HUWE1: variants seen among roughly 807,000 people sequenced by gnomAD.
HUWE1 encodes the protein E3 ubiquitin-protein ligase HUWE1.
HUWE1 carries 18 observed loss-of-function variants against 299.4 expected under a neutral mutation model. The ratio of observed to expected loss-of-function variants is 0.06; its 90% CI spans 0.04 to 0.09. HUWE1 has a LOEUF of 0.09. Among genes scored for constraint, HUWE1 ranks in the 10% least tolerant of loss-of-function variants. The pLI is 1.00. For synonymous variants in HUWE1, 1,317 were observed against 1,286.1 expected (o/e 1.02, Z -0.51); for missense variants, 1,832 against 3,462.3 (o/e 0.53, Z 11.82).
chrX:53,612,187 C>T (rs782244551), intron 23 of HUWE1, among the ~76,000 whole-genome samples: 1 of 111,789 alleles, frequency 8.9e-6, no homozygotes, highest in Admixed American at 9.5e-5. Flanking sequence ...TCTTCCTTCC[C>T]TAATAATTTA....
chrX:53,630,962 C>A lies in HUWE1; in HGVS notation c.835G>T (p.Ala279Ser). 8.4e-7 allele frequency: 1 copy of A among 1,183,787 alleles called. No homozygotes were observed. Among genetic ancestry groups the A allele is most frequent in the Non-Finnish European group, 1.1e-6 (1 of 870,130 alleles). Residue 279 changes from alanine (A) to serine (S), a missense_variant, in exon 12 of 84, where the codon GCC becomes TCC. Coordinates refer to ENST00000262854, the MANE Select transcript of HUWE1 (RefSeq NM_031407.7). Reference protein sequence around the residue: ...NHRKRLQAVQARLHAISILVY... With the variant: ...NHRKRLQAVQSRLHAISILVY... Reference sequence around the variant, plus strand: ...AATATAGATATTGCATGCAGTCTGGCCTGAACTGCCTGCAATCGCTTCCTG... The same window carrying A: ...AATATAGATATTGCATGCAGTCTGGACTGAACTGCCTGCAATCGCTTCCTG...
chrX:53,537,167 A>G, intron 78 of HUWE1: 1 of 250,833 alleles, frequency 4.0e-6, no homozygotes, highest in Non-Finnish European at 7.3e-6. Flanking sequence ...TCCTACGCTC[A>G]GTATTACAAA....
At position 53,546,697 on chromosome X, in the gene HUWE1, G is replaced by C. The variant is rs782185723; in HGVS notation, c.10758+7C>G. On this transcript the variant is annotated splice_region_variant and intron_variant, in intron 69 of 83. Transcript: ENST00000262854. ...AGTCTTAGCAGATCAGAAGAGCTTG[G>C]ACTCACCTCTACAGAGAGCTGTAGC... 9.9e-6 allele frequency: 12 copies of C among 1,209,886 alleles called. No individual in the cohort carries two copies. Among genetic ancestry groups the C allele is most frequent in the African/African-American group, 1.7e-5 (1 of 57,163 alleles).
intron 48 of HUWE1, 120 bp downstream of exon 48, chrX:53,569,496 G>A (rs959497494): frequency 1.6e-6 from 1 of 639,303 alleles, no homozygotes; most frequent in Non-Finnish European, 2.6e-6. Context: ...GAGCGGACCA[G>A]AGAGTATATG....
chrX:53,630,848 T>A, intron 12 of HUWE1, 87 bp downstream of exon 12: 1 of 570,929 alleles, frequency 1.8e-6, no homozygotes, highest in Non-Finnish European at 3.1e-6. Flanking sequence ...ATAATAGGAC[T>A]CATAGCAACA....
Position 53,592,369 on chromosome X carries a change from G to T in HUWE1, c.3972+29C>A. On this transcript the variant is annotated intron_variant, in intron 33 of 83. Transcript: ENST00000262854. ...CACACTCCATTGGGTGCAAAGTCTGGACCCTGGAGTGTGAGGCCAGTACCC... is the reference window on the plus strand; with the variant it reads ...CACACTCCATTGGGTGCAAAGTCTGTACCCTGGAGTGTGAGGCCAGTACCC... 2.8e-6 allele frequency: 3 copies of T among 1,089,874 alleles called. No homozygotes were observed. The South Asian group carries it at 5.5e-5, about 20-fold the overall frequency. 89.8% of individuals were successfully genotyped at this position (1,089,874 alleles called of 1,213,427 possible). A position where few individuals can be genotyped will look rare whatever the true frequency, so the allele number is the denominator to read the frequency against.
chrX:53,551,354 C>G lies in HUWE1; in HGVS notation c.9008G>C (p.Ser3003Thr). 8.3e-7 allele frequency: 1 copy of G among 1,209,702 alleles called. No homozygotes were observed. The highest frequency in any genetic ancestry group is 1.1e-6 in the Non-Finnish European group (1 of 894,498). ...ATTCCCCACCACTGCAGGCGCTGAG[C>G]TATTTGTGGAGGGGGCAGTCCGGGT... ...PPTRTAPSTNSSAPAVVGNPG... is the reference protein window; with the variant it reads ...PPTRTAPSTNTSAPAVVGNPG... Residue 3003 changes from serine to threonine, a missense_variant, in exon 64 of 84, where the codon AGC (serine) becomes ACC (threonine). Ser to Thr is a moderately conservative substitution (Grantham distance 58, BLOSUM62 1). Coordinates refer to ENST00000262854, the MANE Select transcript of HUWE1 (RefSeq NM_031407.7).
chrX:53,629,689 G>A, intron 12 of HUWE1, 73 bp from the exon 13 acceptor site: 1 of 625,456 alleles, frequency 1.6e-6, no homozygotes, highest in Non-Finnish European at 2.7e-6. Context: ...AAACTTTTTG[G>A]TATCTATAGG....
rs1556925195 is a variant in HUWE1, at chrX:53,548,287, G to A, written c.10036-14C>T. On this transcript the variant is annotated splice_polypyrimidine_tract_variant and intron_variant, in intron 67 of 83. Coordinates refer to ENST00000262854, the MANE Select transcript of HUWE1 (RefSeq NM_031407.7). ...GCTGGGAAATACCTGCCGGGAAAAGGAGGACAAGGCTTGGTCTAGGACGTC... is the reference window on the plus strand; with the variant it reads ...GCTGGGAAATACCTGCCGGGAAAAGAAGGACAAGGCTTGGTCTAGGACGTC... 3 of 1,205,101 alleles carry A rather than the reference G, an allele frequency of 2.5e-6. No homozygotes were observed. Among genetic ancestry groups the A allele is most frequent in the African/African-American group, 1.7e-5 (1 of 57,338 alleles).
chrX:53,682,464 G>A (rs1267963852), intron 2 of HUWE1, among the ~76,000 whole-genome samples: 3 of 111,347 alleles, frequency 2.7e-5, no homozygotes, highest in Admixed American at 9.5e-5. Flanking sequence ...CTACAAAGGA[G>A]AAACAAATGA....
intron 12 of HUWE1, 132 bp from the exon 13 acceptor site, chrX:53,629,748 C>CA (rs2066746854): frequency 4.4e-6 from 2 of 457,387 alleles, no homozygotes; most frequent in Admixed American, 7.2e-5. Flanking sequence ...GCAGAATCAT[C>CA]ACCAAATTAA....
intron 62 of HUWE1, 86 bp downstream of exon 62, chrX:53,552,552 A>C: frequency 8.3e-7 from 1 of 1,201,530 alleles, no homozygotes; most frequent in Non-Finnish European, 1.1e-6. Context: ...CAGCATAACA[A>C]GCATGTCCAT....
At chrX:53,644,659 C>T (rs1486383357) in intron 7 of HUWE1, among the ~76,000 whole-genome samples, 4 of 111,816 alleles carry the variant, frequency 3.6e-5, no homozygotes, top group African/African-American at 9.8e-5. Flanking sequence ...CTGAATTAGC[C>T]TGAAAACTTG....
intron 47 of HUWE1, 105 bp from the exon 48 acceptor site, chrX:53,569,932 A>T: frequency 1.4e-6 from 1 of 693,740 alleles, no homozygotes; most frequent in Non-Finnish European, 2.3e-6. Context: ...TAAGTCACCC[A>T]ATGAGTGATT....
chrX:53,625,559 C>T (rs1441898289), intron 17 of HUWE1: 2 of 234,333 alleles, frequency 8.5e-6, no homozygotes, highest in East Asian at 9.2e-5. Flanking sequence ...ATCTGCCCTC[C>T]AACATGGCTG....
At chrX:53,557,169 C>G (rs782159272) in intron 60 of HUWE1, 5 of 542,675 alleles carry the variant, frequency 9.2e-6, no homozygotes, top group Non-Finnish European at 1.7e-5. Flanking sequence ...TGAACAGAGC[C>G]AGTCGGAGAA....
At chrX:53,682,571 G>A (rs1557053839) in intron 2 of HUWE1, among the ~76,000 whole-genome samples, 1 of 111,500 alleles carries the variant, frequency 9.0e-6, no homozygotes, top group Non-Finnish European at 1.9e-5. Context: ...CTGTTTTCTA[G>A]TAAATGGAAG....
chrX:53,620,574 G>A (rs1176329653), intron 19 of HUWE1, among the ~76,000 whole-genome samples: 2 of 111,608 alleles, frequency 1.8e-5, no homozygotes, highest in Non-Finnish European at 3.8e-5. Flanking sequence ...CAGAAAGCAG[G>A]CCTAATAGAG....
intron 23 of HUWE1, among the ~76,000 whole-genome samples, chrX:53,610,045 C>T (rs1171246582): frequency 1.3e-4 from 15 of 111,411 alleles, no homozygotes; most frequent in African/African-American, 4.9e-4. Context: ...GGGAGTATAC[C>T]TATAAGGCAA....
Sources: allele counts gnomAD v4.1 joint callset (sites outside exome capture counted in the v4.1 genomes callset), GRCh38; gene constraint gnomAD v4.1.1; transcripts MANE v1.5; gene names NCBI Gene and HGNC (gene_info 2026-07-23, HGNC 2026-07-21).